The following SLC22A16 variants were observed in gnomAD, a reference collection of about 807,000 sequenced individuals.
SLC22A16 encodes the protein solute carrier family 22 member 16, also known as WUGSC:RG331P03.1.
In SLC22A16, 53 loss-of-function variants were observed where a neutral mutation model predicts 52.9. That is an observed-to-expected ratio of 1.00 (90% confidence interval 0.80 to 1.26). The LOEUF (loss-of-function observed/expected upper bound fraction) is 1.26. Among genes scored for constraint, SLC22A16 ranks in the 50% most tolerant of loss-of-function variants. The pLI is 0.00. For missense variants in SLC22A16, 726 were observed against 704.0 expected (o/e 1.03, Z -0.35); for synonymous variants, 291 against 268.8 (o/e 1.08, Z -0.81).
At chr6:110,456,380 C>T (rs1285500281) in intron 2 of SLC22A16, 158 bp downstream of exon 2, 7 of 942,322 alleles carry the variant, frequency 7.4e-6, no homozygotes, top group African/African-American at 3.3e-5. Flanking sequence ...CTATCCTTAT[C>T]ATTATACATC....
Position 110,429,463 on chromosome 6 carries a change from G to A in SLC22A16, c.1521+1708C>T, listed in dbSNP as rs140797827. Among the ~76,000 whole-genome samples, 551 of 152,324 alleles carry A rather than the reference G, an allele frequency of 3.6e-3. 2 individuals carry two copies. The highest frequency in any genetic ancestry group is 0.013 in the African/African-American group (523 of 41,570). ...ACTGTTTTATTACTTGTGAGATTAC[G>A]TTAGTGTCTTTTAGAAAAACACATA... On this transcript the variant is annotated intron_variant, in intron 7 of 7. Coordinates refer to ENST00000368919, the MANE Select transcript of SLC22A16 (RefSeq NM_033125.4).
intron 4 of SLC22A16, among the ~76,000 whole-genome samples, chr6:110,439,275 A>T (rs1415951581): frequency 6.6e-6 from 1 of 152,234 alleles, no homozygotes; most frequent in Non-Finnish European, 1.5e-5. Flanking sequence ...TTTTGTATTT[A>T]TGAGATTGCC....
chr6:110,442,176 A>G, intron 4 of SLC22A16, 68 bp downstream of exon 4: 2 of 1,460,512 alleles, frequency 1.4e-6, no homozygotes, highest in Non-Finnish European at 1.9e-6. Context: ...ACACAGAAAC[A>G]GACACACACA....
intron 3 of SLC22A16, among the ~76,000 whole-genome samples, chr6:110,443,295 C>A (rs1230488397): frequency 6.6e-6 from 1 of 152,088 alleles, no homozygotes; most frequent in Non-Finnish European, 1.5e-5. Context: ...GAAAAGGCAA[C>A]CTGCAGAACT....
At chr6:110,461,061 G>A (rs1582578650) in intron 1 of SLC22A16, among the ~76,000 whole-genome samples, 1 of 152,198 alleles carries the variant, frequency 6.6e-6, no homozygotes, top group African/African-American at 2.4e-5. Context: ...ATTGAAGAAA[G>A]GCTTTCTAGC....
In SLC22A16 at chr6:110,430,188, G is replaced by T. The variant is rs534654923; in HGVS notation, c.1521+983C>A. 3.3e-5 allele frequency among the ~76,000 whole-genome samples: 5 copies of T among 152,038 alleles called. No homozygotes were observed. In the South Asian group the frequency reaches 1.0e-3, roughly 32 times the overall value. ...TGCAGGGGTAGTTTTGAAGGAGAAT[G>T]TGAGGATTTGGTGATGAAAGAACAG... On this transcript the variant is annotated intron_variant, in intron 7 of 7. Transcript: ENST00000368919.
chr6:110,439,129 T>C (rs1774862567), intron 4 of SLC22A16, among the ~76,000 whole-genome samples: 1 of 152,166 alleles, frequency 6.6e-6, no homozygotes, highest in African/African-American at 2.4e-5. Context: ...CCCCAAACTG[T>C]CTCAGGAGAT....
intron 1 of SLC22A16, 146 bp downstream of exon 1, chr6:110,476,376 A>C: frequency 2.2e-6 from 3 of 1,366,778 alleles, no homozygotes; most frequent in Non-Finnish European, 2.8e-6. Flanking sequence ...CGGCGTCTGG[A>C]CGCCCGTGTC....
chr6:110,424,762 T>C lies in SLC22A16; in HGVS notation c.*111A>G. ...TTTGCTTTAAAATTTTCTTACAAAATTTATTAAAAAGACATACAAACAACA... is the reference window on the plus strand; with the variant it reads ...TTTGCTTTAAAATTTTCTTACAAAACTTATTAAAAAGACATACAAACAACA... On this transcript the variant is annotated 3_prime_UTR_variant, in exon 8 of 8. Transcript: ENST00000368919. 8.0e-7 allele frequency: 1 copy of C among 1,250,098 alleles called. No homozygotes were observed. The highest frequency in any genetic ancestry group is 2.5e-5 in the East Asian group (1 of 40,152). The allele number at this position is 1,250,098 out of a possible 1,614,324, so 77.4% of individuals were successfully genotyped here.
intron 1 of SLC22A16, among the ~76,000 whole-genome samples, chr6:110,462,853 A>G (rs1775933291): frequency 6.6e-6 from 1 of 152,160 alleles, no homozygotes; most frequent in Non-Finnish European, 1.5e-5. Context: ...CTAAAGAAAA[A>G]AATCTTAAAG....
chr6:110,429,676 A>C (rs1278423318), intron 7 of SLC22A16, among the ~76,000 whole-genome samples: 3 of 152,184 alleles, frequency 2.0e-5, no homozygotes, highest in African/African-American at 7.2e-5. Context: ...CAACAGCCTG[A>C]CTGGGGCGAT....
intron 1 of SLC22A16, among the ~76,000 whole-genome samples, chr6:110,464,265 C>T (rs957470400): frequency 5.9e-5 from 9 of 151,830 alleles, no homozygotes; most frequent in African/African-American, 2.2e-4. Context: ...AAACACAAAG[C>T]TAGCAGAAGA....
intron 1 of SLC22A16, among the ~76,000 whole-genome samples, chr6:110,458,761 G>A (rs1016654912): frequency 1.3e-5 from 2 of 152,148 alleles, no homozygotes; most frequent in Non-Finnish European, 2.9e-5. Context: ...TGAAGGAAGA[G>A]CAAATTTATT....
intron 1 of SLC22A16, among the ~76,000 whole-genome samples, chr6:110,457,775 A>T (rs1775722555): frequency 6.6e-6 from 1 of 152,180 alleles, no homozygotes; most frequent in Non-Finnish European, 1.5e-5. Context: ...GGGCTCCTTG[A>T]TCTAGAGGTA....
chr6:110,460,403 G>C (rs1775824229), intron 1 of SLC22A16, among the ~76,000 whole-genome samples: 1 of 152,142 alleles, frequency 6.6e-6, no homozygotes, highest in Non-Finnish European at 1.5e-5. Context: ...AAGAAGCTGG[G>C]GCAGAGAAAA....
intron 6 of SLC22A16, among the ~76,000 whole-genome samples, chr6:110,434,816 A>G (rs1774657150): frequency 6.6e-6 from 1 of 152,144 alleles, no homozygotes; most frequent in African/African-American, 2.4e-5. Context: ...CGTCTCTACT[A>G]AAAATACAAA....
At chr6:110,463,514 T>TAAAA (rs386408237) in intron 1 of SLC22A16, among the ~76,000 whole-genome samples, 1,904 of 53,228 alleles carry the variant, frequency 0.036, 132 homozygotes, top group Middle Eastern at 0.075. Context: ...GTAACAACAG[T>TAAAA]AAAAAAAAAA....
rs146209485 is a variant in SLC22A16 at position 110,424,912 on chromosome 6, C to T, written c.1695G>A (p.Thr565=). 26 of 1,614,154 alleles carry T rather than the reference C, an allele frequency of 1.6e-5. No homozygotes were observed. The highest frequency in any genetic ancestry group is 5.3e-5 in the African/African-American group (4 of 75,036). Residue 565 remains threonine (T), a synonymous_variant, in exon 8 of 8, where the codon ACG becomes ACA. Coordinates refer to ENST00000368919, the MANE Select transcript of SLC22A16 (RefSeq NM_033125.4). The part of the protein sequence containing the change: ...LTTNNSGLEK[T]EAITPRDSGL... The stretch of plus-strand genomic sequence containing the variant: ...CAGAATCCCTGGGGGTAATCGCTTC[C>T]GTTTTTTCCAGCCCACTATTATTAG...
rs76646994 is a variant in SLC22A16 at position 110,442,814 on chromosome 6, A to G, written c.652-39T>C. 214 of 1,571,202 alleles carry G rather than the reference A, an allele frequency of 1.4e-4. No homozygotes were observed. In the African/African-American group the frequency reaches 2.7e-3, roughly 20 times the overall value. The stretch of plus-strand genomic sequence containing the variant: ...AATAGGGATTTATATTCAAGGTCAC[A>G]TTTATAACTATTGAGGAGTCTGACC... On this transcript the variant is annotated intron_variant, in intron 3 of 7. Transcript: ENST00000368919.
Sources: gnomAD v4.1 joint callset for allele counts (sites outside exome capture counted in the v4.1 genomes callset) on GRCh38, gnomAD v4.1.1 for gene constraint, MANE v1.5 for transcripts, NCBI Gene and HGNC (gene_info 2026-07-23, HGNC 2026-07-21) for gene names.